DISP3: variants seen among roughly 807,000 people sequenced by gnomAD.
The protein encoded by DISP3 is dispatched RND transporter family member 3, also known as protein dispatched homolog 3.
A neutral mutation model predicts 135.3 loss-of-function variants in DISP3; 101 were observed. The observed-to-expected ratio is 0.75, with a 90% confidence interval of 0.64 to 0.88. DISP3 has a LOEUF of 0.88. Ranked by LOEUF, DISP3 falls within the 40% of genes least tolerant of loss-of-function variation. DISP3 has a pLI of 0.00. For missense variants in DISP3, 1,713 were observed against 1,878.6 expected, an observed-to-expected ratio of 0.91 and a Z score of 1.63; for synonymous variants, 856 against 817.0, an observed-to-expected ratio of 1.05 and a Z score of -0.81.
Position 11,535,644 on chromosome 1 carries a change from G to A in DISP3, c.3816G>A (p.Glu1272=). 6.2e-7 allele frequency: 1 copy of A among 1,610,654 alleles called. No individual in the cohort carries two copies. Among genetic ancestry groups the A allele is most frequent in the Non-Finnish European group, 8.5e-7 (1 of 1,179,294 alleles). Residue 1272 remains glutamate, a splice_region_variant and synonymous_variant, in exon 20 of 21, where the codon GAG becomes GAA. Coordinates refer to ENST00000294484, the MANE Select transcript of DISP3 (RefSeq NM_020780.2). ...AGAACCTGCCCCCCCACCAGGCCGA[G>A]GTGCGCACCCTGCCCGCCTTACCCA... ...AGENLPPHQA[E]DARTQRQWRT...
chr1:11,522,662 G>GA, intron 10 of DISP3, among the ~76,000 whole-genome samples: 1 of 93,578 alleles, frequency 1.1e-5, no homozygotes, highest in Admixed American at 1.1e-4. Flanking sequence ...CCCAGCCAGA[G>GA]CCCAGCCAGG....
Position 11,535,337 on chromosome 1 carries a change from T to TGTCCCCTCCCTCAGGG in DISP3, c.3650-132_3650-117dup, listed in dbSNP as rs1553157825. 3.3e-6 allele frequency: 4 copies of TGTCCCCTCCCTCAGGG among 1,227,086 alleles called. No individual in the cohort carries two copies. In the African/African-American group the frequency reaches 4.5e-5, roughly 14 times the overall value. The allele number at this position is 1,227,086 out of a possible 1,614,324, so 76.0% of individuals were successfully genotyped here. ...CAGCTCAGTGATGTGTTACTGCACC[T>TGTCCCCTCCCTCAGGG]GTCCCCTCCCTCAGGGGTCCCCTCG... On this transcript the variant is annotated intron_variant, in intron 19 of 20. Coordinates refer to ENST00000294484, the MANE Select transcript of DISP3 (RefSeq NM_020780.2).
rs1360292397 is a variant in DISP3, at chr1:11,530,825, C to G, written c.3103-82C>G. On this transcript the variant is annotated intron_variant, in intron 15 of 20. Coordinates refer to ENST00000294484, the MANE Select transcript of DISP3 (RefSeq NM_020780.2). Reference sequence around the variant, plus strand: ...TAGCAGGAAGCTGCTGGAGGTTCTGCCCCAGGGTTGGGGGTGAGCACCCAG... The same window carrying G: ...TAGCAGGAAGCTGCTGGAGGTTCTGGCCCAGGGTTGGGGGTGAGCACCCAG... The G allele has an allele frequency of 9.6e-6, 15 of 1,560,632 alleles. No individual in the cohort carries two copies. In the Admixed American group the frequency reaches 1.2e-4, roughly 13 times the overall value.
At chr1:11,507,653 AG>A (rs1034205985) in intron 3 of DISP3, among the ~76,000 whole-genome samples, 2 of 152,218 alleles carry the variant, frequency 1.3e-5, no homozygotes, top group African/African-American at 4.8e-5. Flanking sequence ...TACCTTTCCT[AG>A]GTTCTTTCCT....
chr1:11,517,542 C>T lies in DISP3; in HGVS notation c.1829C>T (p.Pro610Leu). Residue 610 changes from proline to leucine, a missense_variant, in exon 7 of 21, where the codon CCT becomes CTT. By Grantham distance (98) the Pro-to-Leu change is moderately conservative (BLOSUM62 -3). Around this residue, in one of 2 missense-constraint regions of DISP3, gnomAD observed 1,142 missense variants for 1,384.6 expected, o/e 0.82. Coordinates refer to ENST00000294484, the MANE Select transcript of DISP3 (RefSeq NM_020780.2). Reference sequence around the variant, plus strand: ...TGGCTGGCCGTGCTTGTCACCATGCCTGCAGCTCTGGGCCTCTGGAGCCTC... The same window carrying T: ...TGGCTGGCCGTGCTTGTCACCATGCTTGCAGCTCTGGGCCTCTGGAGCCTC... ...CCWLAVLVTM[P>L]AALGLWSLYL... 1 of 1,614,218 alleles carries T rather than the reference C, an allele frequency of 6.2e-7. No individual in the cohort carries two copies. The highest frequency in any genetic ancestry group is 8.5e-7 in the Non-Finnish European group (1 of 1,180,048).
At chr1:11,488,637 C>CTATG (rs1553151770) in intron 1 of DISP3, among the ~76,000 whole-genome samples, 1 of 146,328 alleles carries the variant, frequency 6.8e-6, no homozygotes, top group African/African-American at 2.5e-5. Context: ...GGCAGATGCT[C>CTATG]TGTGTGTGTG....
At chr1:11,534,966 G>T in intron 18 of DISP3, 45 bp from the exon 19 acceptor site, 1 of 1,509,320 alleles carries the variant, frequency 6.6e-7, no homozygotes, top group East Asian at 2.4e-5. Flanking sequence ...AGCTTGCTGC[G>T]ACCGCCCACA....
chr1:11,503,238 T>TA (rs1290650993), intron 3 of DISP3, among the ~76,000 whole-genome samples: 3 of 152,148 alleles, frequency 2.0e-5, no homozygotes, highest in Non-Finnish European at 2.9e-5. Flanking sequence ...CTCACTGTAT[T>TA]AGTCAGGGTT....
chr1:11,534,342 G>A (rs1056780432), intron 17 of DISP3, 39 bp from the exon 18 acceptor site: 1 of 1,612,854 alleles, frequency 6.2e-7, no homozygotes, highest in Non-Finnish European at 8.5e-7. Context: ...GTGGGCCACA[G>A]TCCCTGCCTG....
intron 3 of DISP3, among the ~76,000 whole-genome samples, chr1:11,512,194 A>G (rs369546409): frequency 6.6e-6 from 1 of 152,220 alleles, no homozygotes. Flanking sequence ...GGGGATTAAC[A>G]TTAGGCTCCT....
rs1405827309 is a variant in DISP3 at position 11,491,861 on chromosome 1, G to A, written c.-3-9129G>A. Among the ~76,000 whole-genome samples the A allele has an allele frequency of 7.2e-5, 11 of 152,180 alleles. No individual in the cohort carries two copies. In the South Asian group the frequency reaches 2.3e-3, roughly 32 times the overall value. On this transcript the variant is annotated intron_variant, in intron 1 of 20. Coordinates refer to ENST00000294484, the MANE Select transcript of DISP3 (RefSeq NM_020780.2). This position sits in a 1 kb window ranked among gnomAD's most constrained non-coding sequence, Gnocchi z 4.3. ...TAATTGGCCGGGCGCGGTGGCTCAC[G>A]CCTGTAATCCCAGCACTTTGGGAGG...
chr1:11,531,680 C>T lies in DISP3; in HGVS notation c.3345C>T (p.Arg1115=), dbSNP rs569566014. Residue 1115 remains arginine, a synonymous_variant, in exon 17 of 21, where the codon CGC becomes CGT. Transcript: ENST00000294484. This position sits in a 1 kb window ranked among gnomAD's most constrained non-coding sequence, Gnocchi z 5.2. ...SHGAVGVREG[R]VQWISMAFES... ...GGGCAGTGGGCGTCAGGGAGGGCCGCGTGCAGTGGATCTCCATGGCTTTCG... is the reference window on the plus strand; with the variant it reads ...GGGCAGTGGGCGTCAGGGAGGGCCGTGTGCAGTGGATCTCCATGGCTTTCG... 2.7e-5 allele frequency: 44 copies of T among 1,610,304 alleles called. No homozygotes were observed. The East Asian group carries it at 5.6e-4, about 20-fold the overall frequency.
intron 1 of DISP3, among the ~76,000 whole-genome samples, chr1:11,490,575 G>C (rs6674713): frequency 0.98 from 149,258 of 152,304 alleles, 73,216 homozygotes; most frequent in Middle Eastern, 1. Flanking sequence ...GGCCATGTTG[G>C]TGATTTTATT....
In DISP3 at chr1:11,514,521, G is replaced by C; in HGVS notation, c.1448G>C (p.Cys483Ser). The C allele has an allele frequency of 1.2e-6, 2 of 1,613,668 alleles. No individual in the cohort carries two copies. Among genetic ancestry groups the C allele is most frequent in the Non-Finnish European group, 1.7e-6 (2 of 1,179,718 alleles). ...IAALVYILTS[C>S]SVFLSFFGIA... ...GCCCTGGTCTACATCCTCACCTCCT[G>C]CTCAGGTAGGGCTTCTCTCAAGCCA... Residue 483 changes from cysteine to serine, a missense_variant, in exon 4 of 21, where the codon TGC becomes TCC. Transcript: ENST00000294484.
At chr1:11,480,711 A>G (rs1368005373) in intron 1 of DISP3, among the ~76,000 whole-genome samples, 2 of 130,972 alleles carry the variant, frequency 1.5e-5, no homozygotes, top group African/African-American at 6.1e-5. Context: ...ACACACACAC[A>G]CACTGTCCTG....
Position 11,501,132 on chromosome 1 carries a change from G to C in DISP3, c.140G>C (p.Arg47Pro). The C allele has an allele frequency of 6.2e-7, 1 of 1,613,774 alleles. No homozygotes were observed. The highest frequency in any genetic ancestry group is 8.5e-7 in the Non-Finnish European group (1 of 1,179,874). ...GGGGCAGGGGGACAGTGTTGCTGGCGGCACTGGCCCCTGGCTTCCCGACCC... is the reference window on the plus strand; with the variant it reads ...GGGGCAGGGGGACAGTGTTGCTGGCCGCACTGGCCCCTGGCTTCCCGACCC... The part of the protein sequence containing the change: ...QPGAGGQCCW[R>P]HWPLASRPPA... Residue 47 changes from arginine to proline, a missense_variant, in exon 2 of 21, where the codon CGG becomes CCG. This residue lies in a region of DISP3 where 571 missense variants were observed against 494.1 expected (regional missense o/e 1.16). Transcript: ENST00000294484. This position sits in a 1 kb window ranked among gnomAD's most constrained non-coding sequence, Gnocchi z 4.9.
At chr1:11,507,809 A>C (rs1189516172) in intron 3 of DISP3, among the ~76,000 whole-genome samples, 2 of 152,232 alleles carry the variant, frequency 1.3e-5, no homozygotes, top group African/African-American at 4.8e-5. Flanking sequence ...CTTGAGAGTA[A>C]AAGTATGGGC....
At chr1:11,495,836 C>T (rs1204500132) in intron 1 of DISP3, among the ~76,000 whole-genome samples, 1 of 152,220 alleles carries the variant, frequency 6.6e-6, no homozygotes, top group East Asian at 1.9e-4. Flanking sequence ...GCCAACTCTC[C>T]TTGGTTTCTC....
Position 11,536,613 on chromosome 1 carries a change from TG to T in DISP3, c.4110del (p.Leu1371TrpfsTer154). 1.2e-6 allele frequency: 2 copies of T among 1,608,984 alleles called. No individual in the cohort carries two copies. The highest frequency in any genetic ancestry group is 1.7e-6 in the Non-Finnish European group (2 of 1,178,870). ...GGTGCCGTGCTGCTGGCAGGGGCCC[TG>T]GGGCTGGGTGCCTGCCTCGTGCTCC... The part of the protein sequence containing the change: ...ALGAVLLAGA[L>X]GLGACLVLLQ... On this transcript the variant is annotated frameshift_variant, in exon 21 of 21. Transcript: ENST00000294484. LOFTEE classifies it high-confidence loss of function. This position sits in a 1 kb window ranked among gnomAD's most constrained non-coding sequence, Gnocchi z 4.3.
Sources: allele counts gnomAD v4.1 joint callset (sites outside exome capture counted in the v4.1 genomes callset), GRCh38; gene constraint gnomAD v4.1.1; regional missense constraint gnomAD v4.1.1; non-coding constraint Gnocchi (gnomAD v3.1); transcripts MANE v1.5; gene names NCBI Gene and HGNC (gene_info 2026-07-23, HGNC 2026-07-21).